Variants in ZNF768 observed in about 807,000 individuals in gnomAD.
The protein encoded by ZNF768 is zinc finger protein 768.
A neutral mutation model predicts 39.7 loss-of-function variants in ZNF768; 12 were observed. That is an observed-to-expected ratio of 0.30 (90% CI 0.19 to 0.49). ZNF768 has a LOEUF of 0.49. ZNF768 is among the 20% of genes least tolerant of loss of function. ZNF768 has a pLI of 0.99. For missense variants in ZNF768, 613 were observed against 723.2 expected, an observed-to-expected ratio of 0.85 and a Z score of 1.75; for synonymous variants, 360 against 288.4, an observed-to-expected ratio of 1.25 and a Z score of -2.52.
Position 30,525,414 on chromosome 16 carries a change from A to T in ZNF768, c.726T>A (p.Leu242=). 2.5e-6 allele frequency: 4 copies of T among 1,614,134 alleles called. No individual in the cohort carries two copies. The South Asian group carries it at 4.4e-5, about 18-fold the overall frequency. The part of the protein sequence containing the change: ...LQNPLGLTGA[L]RGPGRRGGRA... ...GGCCACCCCGCCGACCTGGACCTCG[A>T]AGGGCTCCTGTGAGACCCAGGGGAT... Residue 242 remains leucine (L), a synonymous_variant, in exon 2 of 2, where the codon CTT becomes CTA. Transcript: ENST00000380412.
At chr16:30,528,387 A>G (rs1026636987), upstream of ZNF768, 1 of 152,142 alleles carries the variant, frequency 6.6e-6, no homozygotes, top group Non-Finnish European at 1.5e-5. Context: ...CCCCGTCTCT[A>G]CTAAAAAAAT....
Position 30,525,771 on chromosome 16 carries a change from G to A in ZNF768, c.369C>T (p.Pro123=). The change falls in exon 2 of 2, where the codon CCC becomes CCT. Residue 123 remains proline, a synonymous_variant. Coordinates refer to ENST00000380412, the MANE Select transcript of ZNF768 (RefSeq NM_024671.4). The part of the protein sequence containing the change: ...EFESQSPRYE[P]QSPGYEPRSP... ...TCCGAGGTTCATAGCCAGGGCTTTG[G>A]GGTTCATACCTAGGGCTCTGGGATT... is the stretch of plus-strand genomic sequence containing the variant. The A allele has an allele frequency of 6.3e-7, 1 of 1,588,792 alleles. No homozygotes were observed. The highest frequency in any genetic ancestry group is 1.1e-5 in the South Asian group (1 of 87,292).
chr16:30,529,970 C>A (rs574330493), upstream of ZNF768, among the ~76,000 whole-genome samples: 3 of 151,832 alleles, frequency 2.0e-5, no homozygotes, highest in Admixed American at 6.6e-5. Flanking sequence ...ACTATAGGCA[C>A]GTGCCACCAT....
upstream of ZNF768, chr16:30,526,800 CA>C (rs1567499747): frequency 4.7e-5 from 41 of 869,656 alleles, no homozygotes; most frequent in African/African-American, 8.1e-4. Context: ...AGCACCCCCC[CA>C]CCCTCCCCCG....
At chr16:30,530,350 A>G (rs1268380497), upstream of ZNF768, 1 of 152,142 alleles carries the variant, frequency 6.6e-6, no homozygotes, top group Non-Finnish European at 1.5e-5. The surrounding 1 kb of genome is among the most constrained non-coding windows in gnomAD (Gnocchi z 4.4). Context: ...ACAAACTTCA[A>G]AGCTCTCAGA....
At chr16:30,529,043 G>A (rs1367954942), upstream of ZNF768, among the ~76,000 whole-genome samples, 2 of 152,200 alleles carry the variant, frequency 1.3e-5, no homozygotes, top group Non-Finnish European at 2.9e-5. Context: ...GCATTTCCAA[G>A]TGCAAATTCA....
upstream of ZNF768, chr16:30,528,175 G>C (rs913266851): frequency 1.3e-5 from 2 of 152,198 alleles, no homozygotes; most frequent in African/African-American, 4.8e-5. Flanking sequence ...TTGGGAGGAA[G>C]GATGGCCTCT....
chr16:30,524,109 G>A lies in ZNF768; in HGVS notation c.*408C>T, dbSNP rs2051296463. The A allele has an allele frequency of 4.9e-6, 1 of 202,164 alleles. No individual in the cohort carries two copies. Among genetic ancestry groups the A allele is most frequent in the South Asian group, 1.3e-4 (1 of 7,490 alleles). The allele number at this position is 202,164 out of a possible 1,614,324, so 12.5% of individuals were successfully genotyped here. A position where few individuals can be genotyped will look rare whatever the true frequency, so the allele number is the denominator to read the frequency against. On this transcript the variant is annotated 3_prime_UTR_variant, in exon 2 of 2. Coordinates refer to ENST00000380412, the MANE Select transcript of ZNF768 (RefSeq NM_024671.4). ...GCAGAGGCCCAGGCCCCACCCCGGG[G>A]CCCCACTCCCCACCCCACCTACCTT...
upstream of ZNF768, chr16:30,527,151 C>T (rs1435199749): frequency 2.0e-6 from 2 of 985,362 alleles, no homozygotes; most frequent in Admixed American, 6.1e-5. Flanking sequence ...GCTCCCTCCC[C>T]TCCCGGGCCT....
upstream of ZNF768, chr16:30,527,874 A>G (rs550880583): frequency 5.3e-5 from 8 of 152,328 alleles, no homozygotes; most frequent in African/African-American, 1.9e-4. Flanking sequence ...TGAGAGAACC[A>G]TCTGGCCTTC....
upstream of ZNF768, among the ~76,000 whole-genome samples, chr16:30,529,916 T>C (rs781545850): frequency 1.3e-5 from 2 of 149,866 alleles, no homozygotes; most frequent in Non-Finnish European, 3.0e-5. Context: ...CTCTGCCTCC[T>C]GAGTTCAAGC....
chr16:30,526,402 C>T lies in ZNF768; in HGVS notation c.12G>A (p.Glu4=), dbSNP rs2051324514. The change falls in exon 1 of 2, where the codon GAG becomes GAA. Residue 4 remains glutamate, a synonymous_variant. Transcript: ENST00000380412. Reference sequence around the variant, plus strand: ...GGGGCTCGAGGCCCCACGGCAACGCCTCCCGCTCCATCCCCGCGGGCTCCC... The same window carrying T: ...GGGGCTCGAGGCCCCACGGCAACGCTTCCCGCTCCATCCCCGCGGGCTCCC... The part of the protein sequence containing the change: MER[E]ALPWGLEPQD... 1.3e-6 allele frequency: 2 copies of T among 1,588,008 alleles called. No individual in the cohort carries two copies. The highest frequency in any genetic ancestry group is 2.4e-5 in the East Asian group (1 of 40,998).
In ZNF768 at chr16:30,526,206, C is replaced by T. The variant is rs1414942120; in HGVS notation, c.88+120G>A. 7 of 1,537,504 alleles carry T rather than the reference C, an allele frequency of 4.6e-6. No individual in the cohort carries two copies. In the South Asian group the frequency reaches 7.1e-5, roughly 16 times the overall value. On this transcript the variant is annotated intron_variant, in intron 1 of 1. Transcript: ENST00000380412. ...TCAGCTGACCCAAGACACCCCAGTC[C>T]CCGCCGGCCCCTCCTTCGAGTCCCA...
chr16:30,526,407 G>C lies in ZNF768; in HGVS notation c.7C>G (p.Arg3Gly). 2 of 1,584,534 alleles carry C rather than the reference G, an allele frequency of 1.3e-6. No homozygotes were observed. Among genetic ancestry groups the C allele is most frequent in the Non-Finnish European group, 1.7e-6 (2 of 1,167,930 alleles). The change falls in exon 1 of 2, where the codon CGG becomes GGG. Residue 3 changes from arginine to glycine, a missense_variant. By Grantham distance (125) the Arg-to-Gly change is moderately radical (BLOSUM62 -2). Around this residue, in one of 4 missense-constraint regions of ZNF768, gnomAD observed 347 missense variants for 326.1 expected, o/e 1.06. Transcript: ENST00000380412. ...TCGAGGCCCCACGGCAACGCCTCCC[G>C]CTCCATCCCCGCGGGCTCCCAGTGC... ME[R>G]EALPWGLEPQ...
chr16:30,528,751 A>T (rs1357027671), upstream of ZNF768, among the ~76,000 whole-genome samples: 1 of 152,174 alleles, frequency 6.6e-6, no homozygotes, highest in Non-Finnish European at 1.5e-5. Context: ...AACAGCCTAC[A>T]AGAGGACCAG....
At chr16:30,528,674 A>G (rs900170079), upstream of ZNF768, among the ~76,000 whole-genome samples, 4 of 152,146 alleles carry the variant, frequency 2.6e-5, no homozygotes, top group African/African-American at 9.7e-5. Flanking sequence ...TCCCATCCCA[A>G]TGTATGTTTG....
At chr16:30,526,821 T>C, upstream of ZNF768, 8 of 479,008 alleles carry the variant, frequency 1.7e-5, no homozygotes, top group Non-Finnish European at 2.0e-5. Flanking sequence ...GCACAGGAAG[T>C]GTCCGTCCGC....
At chr16:30,526,187 G>A in intron 1 of ZNF768, 136 bp from the exon 2 acceptor site, 1 of 1,520,618 alleles carries the variant, frequency 6.6e-7, no homozygotes, top group Non-Finnish European at 8.8e-7. Context: ...CCCCTCAGCT[G>A]ACCCAAGACA....
At position 30,524,724 on chromosome 16, in the gene ZNF768, G is replaced by C. The variant is rs759611356; in HGVS notation, c.1416C>G (p.Leu472=). 2 of 1,612,954 alleles carry C rather than the reference G, an allele frequency of 1.2e-6. No homozygotes were observed. Among genetic ancestry groups the C allele is most frequent in the Non-Finnish European group, 1.7e-6 (2 of 1,179,642 alleles). ...CCGTGTGGGAGCGCTGGTGCTGGAT[G>C]AGAGTGGAGGAGCGATTGAAGGTCT... ...CGKTFNRSST[L]IQHQRSHTGE... Residue 472 remains leucine (L), a synonymous_variant, in exon 2 of 2, where the codon CTC becomes CTG. Transcript: ENST00000380412.
Sources: gnomAD v4.1 joint callset for allele counts (sites outside exome capture counted in the v4.1 genomes callset) on GRCh38, gnomAD v4.1.1 for gene constraint, gnomAD v4.1.1 regional missense constraint, Gnocchi (gnomAD v3.1) non-coding constraint, MANE v1.5 for transcripts, NCBI Gene and HGNC (gene_info 2026-07-23, HGNC 2026-07-21) for gene names.